The following CCDC83 variants were observed in gnomAD, a reference collection of about 807,000 sequenced individuals.
The protein encoded by CCDC83 is coiled-coil domain-containing protein 83.
A neutral mutation model predicts 50.1 loss-of-function variants in CCDC83; 54 were observed. That is an observed-to-expected ratio of 1.08 (90% CI 0.87 to 1.35). The LOEUF is 1.35. CCDC83 is among the 40% of genes most tolerant of loss of function. The pLI, the probability that CCDC83 is intolerant of heterozygous loss-of-function variation, is 0.00. For synonymous variants in CCDC83, 161 were observed against 153.3 expected, an observed-to-expected ratio of 1.05 and a Z score of -0.37; for missense variants, 518 against 473.9, an observed-to-expected ratio of 1.09 and a Z score of -0.86.
chr11:85,873,077 C>A (rs2093248620), intron 2 of CCDC83, 134 bp from the exon 3 acceptor site: 3 of 416,320 alleles, frequency 7.2e-6, no homozygotes, highest in East Asian at 7.7e-5. Flanking sequence ...AAACACAAAA[C>A]CGTTTAGGAA....
intron 7 of CCDC83, among the ~76,000 whole-genome samples, chr11:85,905,391 G>T (rs1592187138): frequency 6.8e-6 from 1 of 147,128 alleles, no homozygotes; most frequent in African/African-American, 2.5e-5. Context: ...GCAGTGAGCC[G>T]AGATTGCGCC....
chr11:85,860,590 G>T (rs543372401), intron 1 of CCDC83, among the ~76,000 whole-genome samples: 2 of 152,250 alleles, frequency 1.3e-5, no homozygotes, highest in South Asian at 2.1e-4. Context: ...ATTTCTCAAA[G>T]AACTTAAAAC....
At chr11:85,874,326 C>T (rs1309308410) in intron 3 of CCDC83, among the ~76,000 whole-genome samples, 2 of 152,184 alleles carry the variant, frequency 1.3e-5, no homozygotes, top group East Asian at 3.8e-4. Context: ...AAGTAAGTCC[C>T]ATCGATGCAC....
At chr11:85,882,433 G>A (rs1209712084) in intron 3 of CCDC83, 80 bp from the exon 4 acceptor site, 23 of 1,405,838 alleles carry the variant, frequency 1.6e-5, no homozygotes, top group African/African-American at 8.6e-5. Context: ...CCCAAAGGCC[G>A]GGAACTTCTT....
At chr11:85,887,362 A>G (rs1184311951) in intron 5 of CCDC83, among the ~76,000 whole-genome samples, 1 of 152,232 alleles carries the variant, frequency 6.6e-6, no homozygotes, top group East Asian at 1.9e-4. Context: ...TCCAGGACTC[A>G]GCTGGAGATA....
chr11:85,906,637 G>A (rs767019219), intron 7 of CCDC83, among the ~76,000 whole-genome samples: 3 of 152,260 alleles, frequency 2.0e-5, no homozygotes, highest in East Asian at 1.9e-4. Flanking sequence ...CCAGCACTTC[G>A]GGAGCCAAAG....
At chr11:85,918,137 A>C (rs1008278832) in intron 10 of CCDC83, among the ~76,000 whole-genome samples, 5 of 152,226 alleles carry the variant, frequency 3.3e-5, no homozygotes. Flanking sequence ...AATTCAAATA[A>C]ATATTTATTG....
At chr11:85,856,588 T>C (rs186659919) in intron 1 of CCDC83, among the ~76,000 whole-genome samples, 3 of 152,292 alleles carry the variant, frequency 2.0e-5, no homozygotes, top group Non-Finnish European at 2.9e-5. Context: ...GACTCCAATA[T>C]CTTTGGGTAC....
chr11:85,913,708 A>G (rs907050103), intron 8 of CCDC83, among the ~76,000 whole-genome samples: 4 of 152,204 alleles, frequency 2.6e-5, no homozygotes, highest in African/African-American at 9.6e-5. Context: ...CTCAACTCAC[A>G]TAGAATGTCA....
chr11:85,905,328 G>A (rs1378596997), intron 7 of CCDC83, among the ~76,000 whole-genome samples: 1 of 151,944 alleles, frequency 6.6e-6, no homozygotes, highest in African/African-American at 2.4e-5. Flanking sequence ...TGTAATCCCA[G>A]CTACTCGGGA....
intron 2 of CCDC83, among the ~76,000 whole-genome samples, chr11:85,866,205 G>C (rs937655216): frequency 5.9e-5 from 9 of 152,152 alleles, no homozygotes; most frequent in African/African-American, 1.2e-4. Flanking sequence ...AGAATTAATA[G>C]ATAAGTGTTA....
At chr11:85,913,812 G>C (rs1056222890) in intron 8 of CCDC83, among the ~76,000 whole-genome samples, 1 of 152,214 alleles carries the variant, frequency 6.6e-6, no homozygotes. Flanking sequence ...CTGAGGCTAA[G>C]TGGGCCAACA....
intron 7 of CCDC83, among the ~76,000 whole-genome samples, chr11:85,905,819 A>T (rs1000295433): frequency 6.7e-6 from 1 of 150,084 alleles, no homozygotes; most frequent in African/African-American, 2.5e-5. Flanking sequence ...AACACAAAAA[A>T]TTAGCCAGGC....
chr11:85,876,604 G>C (rs933424934), intron 3 of CCDC83, among the ~76,000 whole-genome samples: 1 of 152,116 alleles, frequency 6.6e-6, no homozygotes, highest in Non-Finnish European at 1.5e-5. Flanking sequence ...TCCCAGTTTC[G>C]AGGGATTCTC....
chr11:85,856,918 A>G (rs1336399903), intron 1 of CCDC83, among the ~76,000 whole-genome samples: 1 of 152,182 alleles, frequency 6.6e-6, no homozygotes, highest in Non-Finnish European at 1.5e-5. Flanking sequence ...CATTTACTGG[A>G]GACCATTTCT....
intron 3 of CCDC83, among the ~76,000 whole-genome samples, chr11:85,873,742 G>A (rs1425062075): frequency 6.6e-6 from 1 of 152,118 alleles, no homozygotes; most frequent in Non-Finnish European, 1.5e-5. Context: ...TATTTAAGAT[G>A]ATATACTGTT....
intron 6 of CCDC83, 33 bp from the exon 7 acceptor site, chr11:85,898,914 C>T: frequency 6.8e-7 from 1 of 1,467,430 alleles, no homozygotes. Context: ...CAGCATGTGG[C>T]AACTCTTCCT....
chr11:85,910,631 T>G (rs2093449360), intron 7 of CCDC83, among the ~76,000 whole-genome samples: 1 of 152,268 alleles, frequency 6.6e-6, no homozygotes, highest in African/African-American at 2.4e-5. Context: ...CCATGTTTTC[T>G]TAGTTATGTC....
At chr11:85,917,769 C>G (rs532045663) in intron 10 of CCDC83, 10 of 152,316 alleles carry the variant, frequency 6.6e-5, no homozygotes, top group African/African-American at 2.2e-4. Context: ...GACTAAAGTT[C>G]TAGTTCCTCT....
Sources: allele counts gnomAD v4.1 joint callset (sites outside exome capture counted in the v4.1 genomes callset), GRCh38; gene constraint gnomAD v4.1.1; transcripts MANE v1.5; gene names NCBI Gene and HGNC (gene_info 2026-07-23, HGNC 2026-07-21).